TAFA2: variants seen among roughly 807,000 people sequenced by gnomAD.
TAFA2 encodes chemokine-like protein TAFA-2.
Under a neutral mutation model 18.8 loss-of-function variants are expected in TAFA2, and 7 were observed. The ratio of observed to expected loss-of-function variants is 0.37; its 90% CI spans 0.21 to 0.70. The LOEUF is 0.70. TAFA2 is among the 30% of genes least tolerant of loss of function. The pLI is 0.53. For missense variants in TAFA2, 122 were observed against 158.1 expected (o/e 0.77, Z 1.23); for synonymous variants, 60 against 54.2 (o/e 1.11, Z -0.47).
At chr12:62,050,736 G>T (rs2136773818) in intron 1 of TAFA2, among the ~76,000 whole-genome samples, 1 of 152,238 alleles carries the variant, frequency 6.6e-6, no homozygotes, top group Non-Finnish European at 1.5e-5. Flanking sequence ...TTTTCAATTA[G>T]CCATGTGCTA....
In TAFA2 at chr12:61,998,042, A is replaced by G. The variant is rs931970236; in HGVS notation, c.-1-130616T>C. Among the ~76,000 whole-genome samples, 18 of 152,164 alleles carry G rather than the reference A, an allele frequency of 1.2e-4. 1 individual carries two copies. The highest frequency in any genetic ancestry group is 8.3e-4 in the South Asian group (4 of 4,828). ...ATCATGGGTCAGATGTAAATTACAC[A>G]GTCAGGAGGGAAAAGAAAATCCTAG... On this transcript the variant is annotated intron_variant, in intron 1 of 4. Coordinates refer to ENST00000416284, the MANE Select transcript of TAFA2 (RefSeq NM_178539.5).
At position 62,117,518 on chromosome 12, in the gene TAFA2, A is replaced by T. The variant is rs566384038; in HGVS notation, c.-2+73741T>A. Among the ~76,000 whole-genome samples, 15 of 152,308 alleles carry T rather than the reference A, an allele frequency of 9.8e-5. No homozygotes were observed. The South Asian group carries it at 2.9e-3, about 29-fold the overall frequency. On this transcript the variant is annotated intron_variant, in intron 1 of 4. Transcript: ENST00000416284. ...CTGGGACCCCACATATTTCCAACAG[A>T]TGTGTTTAGGCTGATTATTTAAATG...
At chr12:62,198,869 A>T (rs766243112) in intron 1 of TAFA2, among the ~76,000 whole-genome samples, 1 of 152,330 alleles carries the variant, frequency 6.6e-6, no homozygotes, top group Middle Eastern at 3.4e-3. Context: ...AAACAGGCCA[A>T]CTGAATAGAC....
intron 1 of TAFA2, among the ~76,000 whole-genome samples, chr12:61,893,042 A>T (rs1034192126): frequency 1.3e-5 from 2 of 152,126 alleles, no homozygotes; most frequent in East Asian, 3.9e-4. Flanking sequence ...GATCTAAAAC[A>T]CTCCTAACTT....
At chr12:62,208,193 G>A (rs1222189669) in intron 1 of TAFA2, among the ~76,000 whole-genome samples, 1 of 152,142 alleles carries the variant, frequency 6.6e-6, no homozygotes, top group African/African-American at 2.4e-5. Context: ...GCTAGCTTAT[G>A]TGACCAAGAA....
At chr12:61,936,776 TCAC>T (rs1268100791) in intron 1 of TAFA2, among the ~76,000 whole-genome samples, 2 of 152,108 alleles carry the variant, frequency 1.3e-5, no homozygotes, top group Non-Finnish European at 2.9e-5. Flanking sequence ...ATGCCCACTT[TCAC>T]CACTTCTATT....
chr12:61,911,871 CA>C (rs917735788), intron 1 of TAFA2, among the ~76,000 whole-genome samples: 3 of 152,092 alleles, frequency 2.0e-5, no homozygotes, highest in African/African-American at 7.2e-5. Context: ...ACAAGCAAAA[CA>C]GAAACACAAG....
At chr12:61,746,295 A>G (rs1035596871) in intron 4 of TAFA2, among the ~76,000 whole-genome samples, 2 of 152,058 alleles carry the variant, frequency 1.3e-5, no homozygotes, top group African/African-American at 4.8e-5. Context: ...GCCTTGTGCC[A>G]TGATTGTAAG....
At chr12:62,140,798 A>G (rs939964241) in intron 1 of TAFA2, among the ~76,000 whole-genome samples, 1 of 152,144 alleles carries the variant, frequency 6.6e-6, no homozygotes, top group African/African-American at 2.4e-5. Context: ...TTTATGTCCT[A>G]TAGGAACAGG....
At chr12:62,110,042 T>C (rs1869650001) in intron 1 of TAFA2, among the ~76,000 whole-genome samples, 1 of 151,428 alleles carries the variant, frequency 6.6e-6, no homozygotes, top group South Asian at 2.1e-4. Context: ...AGAGAGGGCA[T>C]CCTTGTCATG....
rs928609376 is a variant in TAFA2 at position 62,207,112 on chromosome 12, C to T, written c.-130+51651G>A. On this transcript the variant is annotated intron_variant, in intron 1 of 5. Transcript: ENST00000551619. Reference sequence around the variant, plus strand: ...TATTAATTATTTTTCCTATGTGTTCCCAAACATCTATACTTCCCTCCATCT... The same window carrying T: ...TATTAATTATTTTTCCTATGTGTTCTCAAACATCTATACTTCCCTCCATCT... 2.0e-5 allele frequency: 3 copies of T among 152,176 alleles called. No homozygotes were observed. In the South Asian group the frequency reaches 6.2e-4, roughly 32 times the overall value. The allele number at this position is 152,176 out of a possible 1,614,324, so 9.4% of individuals were successfully genotyped here.
intron 2 of TAFA2, among the ~76,000 whole-genome samples, chr12:61,817,039 A>G (rs1027219405): frequency 7.3e-5 from 11 of 151,408 alleles, no homozygotes; most frequent in Middle Eastern, 3.4e-3. Flanking sequence ...TGCTACTTCC[A>G]TAGCTCGCAG....
chr12:62,118,428 A>G (rs1870054634), intron 1 of TAFA2, among the ~76,000 whole-genome samples: 1 of 152,100 alleles, frequency 6.6e-6, no homozygotes, highest in Non-Finnish European at 1.5e-5. Context: ...AGTGGCAATG[A>G]TGTTAACATC....
chr12:61,911,415 G>A (rs112720725), intron 1 of TAFA2, among the ~76,000 whole-genome samples: 1 of 152,074 alleles, frequency 6.6e-6, no homozygotes, highest in Non-Finnish European at 1.5e-5. Context: ...CACTTCCATG[G>A]AACATGAAGC....
chr12:61,851,252 G>C lies in TAFA2; in HGVS notation c.106+16068C>G, dbSNP rs75316947. ...GAAACTAACCTAGAGGGATAATAAA[G>C]GATTTCTAGGGGAGATAATAGTCAT... is the stretch of plus-strand genomic sequence containing the variant. On this transcript the variant is annotated intron_variant, in intron 2 of 4. Coordinates refer to ENST00000416284, the MANE Select transcript of TAFA2 (RefSeq NM_178539.5). Among the ~76,000 whole-genome samples the C allele has an allele frequency of 6.7e-3, 1,018 of 152,234 alleles. 4 individuals are homozygous for C. Among genetic ancestry groups the C allele is most frequent in the South Asian group, 0.024 (116 of 4,824 alleles).
intron 1 of TAFA2, among the ~76,000 whole-genome samples, chr12:62,137,230 A>G (rs1313459974): frequency 2.6e-5 from 4 of 152,282 alleles, no homozygotes; most frequent in Admixed American, 6.5e-5. Flanking sequence ...TTCATGGGCA[A>G]ATAAACTTAC....
chr12:62,152,305 C>G (rs2062333915), intron 1 of TAFA2, among the ~76,000 whole-genome samples: 1 of 152,138 alleles, frequency 6.6e-6, no homozygotes. Context: ...CAGTTTCTTA[C>G]ACAGATAAAA....
At chr12:61,880,789 C>T (rs1292737638) in intron 1 of TAFA2, 1 of 350,860 alleles carries the variant, frequency 2.9e-6, no homozygotes, top group Non-Finnish European at 5.6e-6. Context: ...ATGGCAGCCC[C>T]TCCCACCCTA....
At chr12:62,074,540 T>C (rs1882712566) in intron 1 of TAFA2, among the ~76,000 whole-genome samples, 1 of 152,158 alleles carries the variant, frequency 6.6e-6, no homozygotes, top group African/African-American at 2.4e-5. Context: ...AACAAATCCA[T>C]AGCTATAAAA....
Sources: gnomAD v4.1 joint callset for allele counts (sites outside exome capture counted in the v4.1 genomes callset) on GRCh38, gnomAD v4.1.1 for gene constraint, MANE v1.5 for transcripts, NCBI Gene and HGNC (gene_info 2026-07-23, HGNC 2026-07-21) for gene names.